SDHB: variants seen among roughly 807,000 people sequenced by gnomAD.
SDHB encodes succinate dehydrogenase complex iron sulfur subunit B.
SDHB carries 21 observed loss-of-function variants against 39.7 expected under a neutral mutation model. The ratio of observed to expected loss-of-function variants is 0.53; its 90% CI spans 0.37 to 0.76. The LOEUF (loss-of-function observed/expected upper bound fraction) is 0.76, where lower values mean the gene tolerates loss of function less well. SDHB is among the 30% of genes least tolerant of loss of function. The pLI is 0.00. For synonymous variants in SDHB, 118 were observed against 117.0 expected (o/e 1.01, Z -0.06); for missense variants, 343 against 350.9 (o/e 0.98, Z 0.18).
At chr1:17,029,847 CCA>C (rs2078013220) in intron 3 of SDHB, among the ~76,000 whole-genome samples, 1 of 152,194 alleles carries the variant, frequency 6.6e-6, no homozygotes. Flanking sequence ...GATCCTCCCA[CCA>C]CAGCCTCCTG....
Position 17,024,026 on chromosome 1 carries a change from G to A in SDHB, c.589C>T (p.Pro197Ser), listed in dbSNP as rs2077978300. The change falls in exon 6 of 8, where the codon CCC becomes TCC. Residue 197 changes from proline to serine, a missense_variant. By Grantham distance (74) the Pro-to-Ser change is moderately conservative (BLOSUM62 -1). Coordinates refer to ENST00000375499, the MANE Select transcript of SDHB (RefSeq NM_003000.3). ...TTGTCTCCGTTCCACCAGTAGCTGGGGCAGCTGGTGCTACAGCAGGCACAG... is the reference window on the plus strand; with the variant it reads ...TTGTCTCCGTTCCACCAGTAGCTGGAGCAGCTGGTGCTACAGCAGGCACAG... ...ILCACCSTSC[P>S]SYWWNGDKYL... The A allele has an allele frequency of 6.2e-7, 1 of 1,613,982 alleles. No individual in the cohort carries two copies. Among genetic ancestry groups the A allele is most frequent in the Non-Finnish European group, 8.5e-7 (1 of 1,179,986 alleles).
At chr1:17,019,024 T>G in intron 7 of SDHB, 66 bp from the exon 8 acceptor site, 2 of 1,274,958 alleles carry the variant, frequency 1.6e-6, no homozygotes, top group Non-Finnish European at 2.3e-6. Flanking sequence ...ACCCACAATC[T>G]TGGGTGAAAC....
intron 5 of SDHB, among the ~76,000 whole-genome samples, chr1:17,026,388 G>A (rs573231413): frequency 1.3e-5 from 2 of 151,950 alleles, no homozygotes; most frequent in African/African-American, 2.4e-5. Context: ...TCTTTGAGAC[G>A]GAGTCTTGCT....
intron 2 of SDHB, among the ~76,000 whole-genome samples, chr1:17,037,602 G>GT (rs2078056972): frequency 6.6e-6 from 1 of 152,170 alleles, no homozygotes; most frequent in Admixed American, 6.5e-5. Context: ...GATTACAGGT[G>GT]TGTGCTACCA....
At chr1:17,036,299 A>G (rs2101532450) in intron 2 of SDHB, among the ~76,000 whole-genome samples, 1 of 152,210 alleles carries the variant, frequency 6.6e-6, no homozygotes, top group Non-Finnish European at 1.5e-5. Context: ...TTTTCAGCAT[A>G]TAAGTCTTTT....
intron 1 of SDHB, among the ~76,000 whole-genome samples, chr1:17,048,899 C>T (rs1345268985): frequency 3.3e-5 from 5 of 151,848 alleles, no homozygotes; most frequent in Non-Finnish European, 7.4e-5. Context: ...TTAGTAGAGA[C>T]GGGGTTTCAC....
chr1:17,023,259 G>T (rs2077972786), intron 6 of SDHB: 1 of 220,170 alleles, frequency 4.5e-6, no homozygotes, highest in Non-Finnish European at 9.2e-6. Context: ...TGCTCTAGCA[G>T]TGTTACTTAG....
In SDHB at chr1:17,018,836, G is replaced by C. The variant is rs1001508935; in HGVS notation, c.*45C>G. 1.5e-6 allele frequency: 2 copies of C among 1,348,306 alleles called. No homozygotes were observed. The highest frequency in any genetic ancestry group is 2.9e-5 in the African/African-American group (2 of 69,636). 83.5% of individuals were successfully genotyped at this position (1,348,306 alleles called of 1,614,324 possible). A position where few individuals can be genotyped will look rare whatever the true frequency, so the allele number is the denominator to read the frequency against. On this transcript the variant is annotated 3_prime_UTR_variant, in exon 8 of 8. Coordinates refer to ENST00000375499, the MANE Select transcript of SDHB (RefSeq NM_003000.3). ...GGAACTCAAATTAGATATAAATTATGTTCAGCTCTGAGCTGGTTATAAATC... is the reference window on the plus strand; with the variant it reads ...GGAACTCAAATTAGATATAAATTATCTTCAGCTCTGAGCTGGTTATAAATC...
chr1:17,033,404 T>A (rs529528690), intron 2 of SDHB, among the ~76,000 whole-genome samples: 8 of 152,340 alleles, frequency 5.3e-5, no homozygotes, highest in African/African-American at 1.9e-4. Context: ...TGACACAACT[T>A]CCATACAGTG....
At chr1:17,042,184 C>T (rs1384883644) in intron 2 of SDHB, among the ~76,000 whole-genome samples, 14 of 152,292 alleles carry the variant, frequency 9.2e-5, no homozygotes, top group Admixed American at 6.5e-4. Flanking sequence ...TGCACCCAGT[C>T]GGATTGTGGT....
intron 1 of SDHB, among the ~76,000 whole-genome samples, chr1:17,049,749 A>C (rs60698624): frequency 7.1e-6 from 1 of 140,584 alleles, no homozygotes. Context: ...GGGTTCAAGC[A>C]ATTCTCCTGC....
At chr1:17,042,428 C>T (rs993886686) in intron 2 of SDHB, among the ~76,000 whole-genome samples, 1 of 152,034 alleles carries the variant, frequency 6.6e-6, no homozygotes, top group East Asian at 1.9e-4. Flanking sequence ...CTGATGAGAG[C>T]TACTGTGACA....
rs1195207024 is a variant in SDHB, at chr1:17,018,909, G to A, written c.815C>T (p.Thr272Ile). The change falls in exon 8 of 8, where the codon ACC (threonine) becomes ATC (isoleucine). Residue 272 changes from threonine to isoleucine, a missense_variant. Coordinates refer to ENST00000375499, the MANE Select transcript of SDHB (RefSeq NM_003000.3). ...AACTGAAGCTTTCTTCTCCTTATAG[G>A]TTGCCATCATTTTCTTGATCTCTGC... The part of the protein sequence containing the change: ...AIAEIKKMMA[T>I]YKEKKASV The A allele has an allele frequency of 2.5e-6, 4 of 1,612,916 alleles. No homozygotes were observed. Among genetic ancestry groups the A allele is most frequent in the Non-Finnish European group, 3.4e-6 (4 of 1,179,234 alleles).
chr1:17,024,130 C>T (rs2077979331), intron 5 of SDHB, 56 bp from the exon 6 acceptor site: 2 of 1,220,482 alleles, frequency 1.6e-6, no homozygotes, highest in East Asian at 2.4e-5. Flanking sequence ...TCTGCTATGT[C>T]TTCAGCTGAT....
At chr1:17,027,902 A>AG in intron 4 of SDHB, 37 bp from the exon 5 acceptor site, 21 of 1,250,332 alleles carry the variant, frequency 1.7e-5, no homozygotes, top group Non-Finnish European at 2.5e-5. Flanking sequence ...AAGAAGAAGA[A>AG]AAGGATCAGA....
chr1:17,052,655 T>A (rs1473066092), intron 1 of SDHB, among the ~76,000 whole-genome samples: 1 of 152,238 alleles, frequency 6.6e-6, no homozygotes, highest in African/African-American at 2.4e-5. Context: ...CTTGAGGCTC[T>A]GGTAGGCTGT....
intron 7 of SDHB, 74 bp downstream of exon 7, chr1:17,022,534 A>G: frequency 1.3e-6 from 2 of 1,593,496 alleles, no homozygotes; most frequent in South Asian, 2.2e-5. Context: ...TCTGCCAATC[A>G]CCTCTTTGTG....
chr1:17,039,225 T>C (rs1482435149), intron 2 of SDHB, among the ~76,000 whole-genome samples: 1 of 151,980 alleles, frequency 6.6e-6, no homozygotes, highest in Non-Finnish European at 1.5e-5. Flanking sequence ...ACTAAGTAAA[T>C]ATTTTTAGAA....
chr1:17,027,651 T>C (rs1304223292), intron 5 of SDHB, 98 bp downstream of exon 5: 1 of 807,842 alleles, frequency 1.2e-6, no homozygotes, highest in Admixed American at 1.7e-5. Context: ...ATACACTAAA[T>C]GGCTTGCATC....
Sources: gnomAD v4.1 joint callset for allele counts (sites outside exome capture counted in the v4.1 genomes callset) on GRCh38, gnomAD v4.1.1 for gene constraint, MANE v1.5 for transcripts, NCBI Gene and HGNC (gene_info 2026-07-23, HGNC 2026-07-21) for gene names.